CRELD1: variants seen among roughly 807,000 people sequenced by gnomAD.
The protein encoded by CRELD1 is protein disulfide isomerase CRELD1.
A neutral mutation model predicts 58.2 loss-of-function variants in CRELD1; 42 were observed. That is an observed-to-expected ratio of 0.72 (90% confidence interval 0.56 to 0.93). The LOEUF is 0.93. CRELD1 is among the 40% of genes least tolerant of loss of function. The probability of loss-of-function intolerance (pLI) is 0.00; values close to 1 mark genes in which losing one functional copy is unlikely to be tolerated. For missense variants in CRELD1, 500 were observed against 540.6 expected (o/e 0.92, Z 0.74); for synonymous variants, 222 against 202.0 (o/e 1.10, Z -0.84).
intron 7 of CRELD1, among the ~76,000 whole-genome samples, chr3:9,942,503 G>A (rs1368855480): frequency 1.3e-5 from 2 of 152,120 alleles, no homozygotes; most frequent in South Asian, 2.1e-4. Flanking sequence ...GAAGGGAGAA[G>A]GGAAAGAAAG....
chr3:9,934,864 T>C lies in CRELD1; in HGVS notation c.204T>C (p.Phe68=). 6 of 1,613,202 alleles carry C rather than the reference T, an allele frequency of 3.7e-6. No individual in the cohort carries two copies. The highest frequency in any genetic ancestry group is 5.1e-6 in the Non-Finnish European group (6 of 1,179,680). ...TGGAGAGAACCATCCGGGACAACTTTGGAGGTGGAAACACTGCCTGGGAGG... is the reference window on the plus strand; with the variant it reads ...TGGAGAGAACCATCCGGGACAACTTCGGAGGTGGAAACACTGCCTGGGAGG... The part of the protein sequence containing the change: ...KGLERTIRDN[F]GGGNTAWEEE... The change falls in exon 3 of 11, where the codon TTT becomes TTC. Residue 68 remains phenylalanine (F), a synonymous_variant. Coordinates refer to ENST00000452070, the MANE Select transcript of CRELD1 (RefSeq NM_001077415.3).
At chr3:9,937,951 A>C (rs534302234) in intron 4 of CRELD1, 64 bp from the exon 5 acceptor site, 24 of 1,181,220 alleles carry the variant, frequency 2.0e-5, no homozygotes, top group Non-Finnish European at 2.9e-5. Context: ...GGGAATGGGA[A>C]CAGCACTTAT....
rs781484122 is a variant in CRELD1 at position 9,944,413 on chromosome 3, TGCA to T, written c.1102_1104del (p.Gln368del). The T allele has an allele frequency of 1.2e-6, 2 of 1,614,128 alleles. No homozygotes were observed. The highest frequency in any genetic ancestry group is 1.7e-5 in the Admixed American group (1 of 60,028). On this transcript the variant is annotated inframe_deletion, in exon 11 of 11. Coordinates refer to ENST00000452070, the MANE Select transcript of CRELD1 (RefSeq NM_001077415.3). ...ATGACAGAAGACGAGTTGGTGGTGC[TGCA>T]GCAGATGTTCTTTGGCATCATCATC...
In CRELD1 at chr3:9,944,396, AGAC is replaced by A; in HGVS notation, c.1083_1085del (p.Asp361del). ...CAGGCTTCTTCTCAGAGATGACAGA[AGAC>A]GAGTTGGTGGTGCTGCAGCAGATGT... is the stretch of plus-strand genomic sequence containing the variant. On this transcript the variant is annotated inframe_deletion, in exon 11 of 11. Transcript: ENST00000452070. The A allele has an allele frequency of 6.2e-7, 1 of 1,614,152 alleles. No homozygotes were observed. The highest frequency in any genetic ancestry group is 8.5e-7 in the Non-Finnish European group (1 of 1,180,048).
At chr3:9,942,765 C>G (rs1391362467) in intron 7 of CRELD1, 48 bp from the exon 8 acceptor site, 3 of 1,474,318 alleles carry the variant, frequency 2.0e-6, no homozygotes, top group Non-Finnish European at 1.9e-6. Context: ...GCTTCAGCTT[C>G]CCTACTAAAT....
At chr3:9,943,584 A>G in intron 10 of CRELD1, 69 bp downstream of exon 10, 5 of 1,609,594 alleles carry the variant, frequency 3.1e-6, no homozygotes, top group Non-Finnish European at 4.2e-6. Flanking sequence ...TTCCCCAGGT[A>G]GCAGTGGCAG....
rs775204061 is a variant in CRELD1 at position 9,943,960 on chromosome 3, T to G, written c.1049-405T>G. On this transcript the variant is annotated intron_variant, in intron 10 of 10. Coordinates refer to ENST00000452070, the MANE Select transcript of CRELD1 (RefSeq NM_001077415.3). ...AAACAACCCGACGCTGGAAGTTGGG[T>G]TCTCATCCCCACTCTACATATGTAA... 4.0e-6 allele frequency: 5 copies of G among 1,252,210 alleles called. No homozygotes were observed. Among genetic ancestry groups the G allele is most frequent in the African/African-American group, 2.9e-5 (2 of 68,432 alleles). 77.6% of individuals were successfully genotyped at this position (1,252,210 alleles called of 1,614,324 possible).
intron 7 of CRELD1, among the ~76,000 whole-genome samples, chr3:9,941,517 G>A (rs543242263): frequency 1.3e-5 from 2 of 152,300 alleles, no homozygotes; most frequent in Non-Finnish European, 2.9e-5. Flanking sequence ...GGGGCTGGGC[G>A]CGGTGGCTCA....
At chr3:9,939,185 A>G (rs1481636384) in intron 5 of CRELD1, among the ~76,000 whole-genome samples, 4 of 146,152 alleles carry the variant, frequency 2.7e-5, no homozygotes, top group African/African-American at 1.0e-4. Flanking sequence ...ATAAATAAAT[A>G]AAAGGTCTGT....
chr3:9,940,111 G>A (rs2085315938), intron 5 of CRELD1, among the ~76,000 whole-genome samples: 3 of 151,812 alleles, frequency 2.0e-5, no homozygotes, highest in African/African-American at 4.9e-5. Context: ...AGACGGGGTC[G>A]CGGCCGGGCA....
rs146680338 is a variant in CRELD1, at chr3:9,934,927, T to A, written c.257+10T>A. The A allele has an allele frequency of 1.2e-6, 2 of 1,604,628 alleles. No individual in the cohort carries two copies. Among genetic ancestry groups the A allele is most frequent in the Non-Finnish European group, 1.7e-6 (2 of 1,174,836 alleles). On this transcript the variant is annotated intron_variant, in intron 3 of 10. Coordinates refer to ENST00000452070, the MANE Select transcript of CRELD1 (RefSeq NM_001077415.3). ...CCAAATACAAAGACAGGTAAGGGGC[T>A]GCTGGGGGAAGGGGTGTATATTCCC...
rs957707921 is a variant in CRELD1, at chr3:9,944,943, G to T, written c.*364G>T. On this transcript the variant is annotated 3_prime_UTR_variant, in exon 11 of 11. Transcript: ENST00000452070. ...CCCTCCTGCCAGCTGCATGCTGCCA[G>T]TTCCTGTTCTGTGTTCACCACATCC... 1.4e-5 allele frequency: 5 copies of T among 360,690 alleles called. No homozygotes were observed. The highest frequency in any genetic ancestry group is 4.9e-5 in the South Asian group (2 of 40,832). 22.3% of individuals were successfully genotyped at this position (360,690 alleles called of 1,614,324 possible).
At chr3:9,936,150 C>T (rs937879815) in intron 3 of CRELD1, 1 of 152,198 alleles carries the variant, frequency 6.6e-6, no homozygotes, top group African/African-American at 2.4e-5. Context: ...GCCACAGTTT[C>T]TTCACCTGTA....
chr3:9,942,938 A>T (rs1286830274), intron 8 of CRELD1, 42 bp downstream of exon 8: 1 of 1,568,360 alleles, frequency 6.4e-7, no homozygotes, highest in South Asian at 1.1e-5. Context: ...TGAGGAGTGG[A>T]GGAAGAGCTG....
Position 9,943,149 on chromosome 3 carries a change from A to C in CRELD1, c.890A>C (p.Gln297Pro), listed in dbSNP as rs776799121. Residue 297 changes from glutamine to proline, a missense_variant, in exon 9 of 11, where the codon CAG (glutamine) becomes CCG (proline). Physicochemically the swap from Gln to Pro is moderately conservative, Grantham distance 76 (BLOSUM62 -1). Transcript: ENST00000452070. ...TGTAAGAAGTGTAGCCCTGGCTATC[A>C]GCAGGTGGGCTCCAAGTGTCTCGGT... ...GRCKKCSPGYQQVGSKCLDVD... is the reference protein window; with the variant it reads ...GRCKKCSPGYPQVGSKCLDVD... The C allele has an allele frequency of 3.7e-6, 6 of 1,612,952 alleles. No individual in the cohort carries two copies. Among genetic ancestry groups the C allele is most frequent in the Non-Finnish European group, 4.2e-6 (5 of 1,179,908 alleles).
Position 9,943,395 on chromosome 3 carries a change from GAGAC to G in CRELD1, c.932_935del (p.Thr311ArgfsTer33). 6.2e-7 allele frequency: 1 copy of G among 1,614,040 alleles called. No individual in the cohort carries two copies. Among genetic ancestry groups the G allele is most frequent in the Non-Finnish European group, 8.5e-7 (1 of 1,180,010 alleles). On this transcript the variant is annotated frameshift_variant, in exon 10 of 11. Coordinates refer to ENST00000452070, the MANE Select transcript of CRELD1 (RefSeq NM_001077415.3). LOFTEE classifies it high-confidence loss of function. ...CTCCCCTCAAGATGTGGATGAGTGT[GAGAC>G]AGAGGTGTGTCCGGGAGAGAACAAG...
chr3:9,935,280 C>T (rs1251852950), intron 3 of CRELD1, among the ~76,000 whole-genome samples: 1 of 152,134 alleles, frequency 6.6e-6, no homozygotes, highest in Non-Finnish European at 1.5e-5. Flanking sequence ...GAGGATGGGA[C>T]TGAGCTTGGT....
At position 9,944,725 on chromosome 3, in the gene CRELD1, C is replaced by A; in HGVS notation, c.*146C>A. The A allele has an allele frequency of 1.3e-6, 1 of 788,440 alleles. No homozygotes were observed. Among genetic ancestry groups the A allele is most frequent in the Non-Finnish European group, 2.1e-6 (1 of 472,980 alleles). The allele number at this position is 788,440 out of a possible 1,614,324, so 48.8% of individuals were successfully genotyped here. ...CTGCCTTACAGAGCAGCCCAGGTACCCAGGCCCGGGCAGACAAGGCCCCTG... is the reference window on the plus strand; with the variant it reads ...CTGCCTTACAGAGCAGCCCAGGTACACAGGCCCGGGCAGACAAGGCCCCTG... On this transcript the variant is annotated 3_prime_UTR_variant, in exon 11 of 11. Transcript: ENST00000452070.
chr3:9,934,718 G>C, intron 2 of CRELD1, 106 bp downstream of exon 2: 2 of 1,508,214 alleles, frequency 1.3e-6, no homozygotes, highest in Non-Finnish European at 1.8e-6. Context: ...TCTCTTACTA[G>C]TTGTATGGCC....
Sources: allele counts gnomAD v4.1 joint callset (sites outside exome capture counted in the v4.1 genomes callset), GRCh38; gene constraint gnomAD v4.1.1; transcripts MANE v1.5; gene names NCBI Gene and HGNC (gene_info 2026-07-23, HGNC 2026-07-21).